TTC7B: variants seen among roughly 807,000 people sequenced by gnomAD.
TTC7B encodes the protein tetratricopeptide repeat protein 7B.
In TTC7B, 28 loss-of-function variants were observed where a neutral mutation model predicts 106.8. The ratio of observed to expected loss-of-function variants is 0.26; its 90% CI spans 0.19 to 0.36. The LOEUF is 0.36. Among genes scored for constraint, TTC7B ranks in the 10% least tolerant of loss-of-function variants. The pLI is 1.00. For synonymous variants in TTC7B, 405 were observed against 430.6 expected (o/e 0.94, Z 0.74); for missense variants, 862 against 1,076.4 (o/e 0.80, Z 2.79).
Position 90,530,344 on chromosome 14 carries a change from A to G in TTC7B, c.*11024T>C, listed in dbSNP as rs548955348. The G allele has an allele frequency of 6.6e-6, 1 of 152,218 alleles. No homozygotes were observed. Among genetic ancestry groups the G allele is most frequent in the Non-Finnish European group, 1.5e-5 (1 of 68,042 alleles). The allele number at this position is 152,218 out of a possible 1,614,324, so 9.4% of individuals were successfully genotyped here. ...AAAATGCTGAGAAGGTGAGCGCTAAATAGTGGAATTTAATGATCTTAGTCT... is the reference window on the plus strand; with the variant it reads ...AAAATGCTGAGAAGGTGAGCGCTAAGTAGTGGAATTTAATGATCTTAGTCT... On this transcript the variant is annotated 3_prime_UTR_variant, in exon 20 of 20. Transcript: ENST00000328459.
chr14:90,719,527 G>A (rs910984258), intron 5 of TTC7B, among the ~76,000 whole-genome samples: 1 of 152,168 alleles, frequency 6.6e-6, no homozygotes, highest in African/African-American at 2.4e-5. Context: ...CCCTGAAGAC[G>A]TGGGGCCTGA....
intron 1 of TTC7B, among the ~76,000 whole-genome samples, chr14:90,799,925 G>A (rs2140054857): frequency 6.6e-6 from 1 of 152,210 alleles, no homozygotes; most frequent in Admixed American, 6.5e-5. Context: ...CGCCTCCTGG[G>A]GTCATGCCAT....
chr14:90,541,505 C>G lies in TTC7B; in HGVS notation c.2395G>C (p.Glu799Gln), dbSNP rs1449730829. Reference protein sequence around the residue: ...DAVQVNSTAHEVWNGLGEVLQ... With the variant: ...DAVQVNSTAHQVWNGLGEVLQ... ...ACCTCGCCCAGCCCGTTCCAGACCTCGTGGGCTGTCGAGTTCACCTGCACC... is the reference window on the plus strand; with the variant it reads ...ACCTCGCCCAGCCCGTTCCAGACCTGGTGGGCTGTCGAGTTCACCTGCACC... The change falls in exon 20 of 20, where the codon GAG (glutamate) becomes CAG (glutamine). Residue 799 changes from glutamate (E) to glutamine (Q), a missense_variant. Glu to Gln is a conservative substitution (Grantham distance 29). Coordinates refer to ENST00000328459, the MANE Select transcript of TTC7B (RefSeq NM_001010854.2). 2 of 1,614,050 alleles carry G rather than the reference C, an allele frequency of 1.2e-6. No individual in the cohort carries two copies. Among genetic ancestry groups the G allele is most frequent in the Non-Finnish European group, 1.7e-6 (2 of 1,179,960 alleles).
chr14:90,655,555 C>T (rs894461405), intron 11 of TTC7B, among the ~76,000 whole-genome samples: 7 of 152,174 alleles, frequency 4.6e-5, no homozygotes, highest in Admixed American at 2.0e-4. Context: ...ATTCTCTTTG[C>T]CATGAGCTGT....
chr14:90,775,511 C>T (rs1045777975), intron 3 of TTC7B, among the ~76,000 whole-genome samples: 2 of 152,070 alleles, frequency 1.3e-5, no homozygotes, highest in African/African-American at 4.8e-5. Flanking sequence ...CAATTTCCAC[C>T]CCAGCAGCAG....
Position 90,661,364 on chromosome 14 carries a change from C to T in TTC7B, c.1153-2977G>A, listed in dbSNP as rs111539882. On this transcript the variant is annotated intron_variant, in intron 9 of 19. Coordinates refer to ENST00000328459, the MANE Select transcript of TTC7B (RefSeq NM_001010854.2). Reference sequence around the variant, plus strand: ...GTCACTGTGCCTTTAAGGAGCACAGCGGGGAGGCAGAAATGAAAGCAGCAT... The same window carrying T: ...GTCACTGTGCCTTTAAGGAGCACAGTGGGGAGGCAGAAATGAAAGCAGCAT... Among the ~76,000 whole-genome samples, 395 of 152,286 alleles carry T rather than the reference C, an allele frequency of 2.6e-3. 3 individuals are homozygous for T. Among genetic ancestry groups the T allele is most frequent in the African/African-American group, 8.7e-3 (362 of 41,556 alleles).
At chr14:90,639,660 C>T (rs1415246337) in intron 15 of TTC7B, among the ~76,000 whole-genome samples, 6 of 152,188 alleles carry the variant, frequency 3.9e-5, no homozygotes, top group East Asian at 1.9e-4. Flanking sequence ...ACAAATCCTA[C>T]GACCTAACTA....
At chr14:90,783,344 G>A (rs1891280400) in intron 2 of TTC7B, among the ~76,000 whole-genome samples, 1 of 152,202 alleles carries the variant, frequency 6.6e-6, no homozygotes, top group Non-Finnish European at 1.5e-5. Context: ...GTGTGAGTAG[G>A]ACAGCACACC....
rs2139801587 is a variant in TTC7B at position 90,575,585 on chromosome 14, T to C, written c.2310+2521A>G. ...GCACCAGAGGGTCCTGCAGCACCAGTGGGAGGGGGGCCTGCCCTTGGCTGC... is the reference window on the plus strand; with the variant it reads ...GCACCAGAGGGTCCTGCAGCACCAGCGGGAGGGGGGCCTGCCCTTGGCTGC... On this transcript the variant is annotated intron_variant, in intron 19 of 19. Coordinates refer to ENST00000328459, the MANE Select transcript of TTC7B (RefSeq NM_001010854.2). The surrounding 1 kb of genome is among the most constrained non-coding windows in gnomAD (Gnocchi z 5.2). Among the ~76,000 whole-genome samples, 1 of 152,254 alleles carries C rather than the reference T, an allele frequency of 6.6e-6. No homozygotes were observed. The highest frequency in any genetic ancestry group is 1.9e-4 in the East Asian group (1 of 5,160).
chr14:90,809,145 G>A (rs1159184366), intron 1 of TTC7B, among the ~76,000 whole-genome samples: 1 of 152,108 alleles, frequency 6.6e-6, no homozygotes, highest in African/African-American at 2.4e-5. Flanking sequence ...CTTACTCCTG[G>A]GTCAGGTGCC....
chr14:90,729,983 C>T, intron 5 of TTC7B, 92 bp downstream of exon 5: 1 of 1,320,168 alleles, frequency 7.6e-7, no homozygotes, highest in South Asian at 1.8e-5. Context: ...TTTAAAATTC[C>T]TTTATTATAA....
At chr14:90,589,253 A>AT (rs1167042127) in intron 18 of TTC7B, among the ~76,000 whole-genome samples, 2 of 152,194 alleles carry the variant, frequency 1.3e-5, no homozygotes, top group Non-Finnish European at 2.9e-5. Flanking sequence ...TATCTTACAG[A>AT]TAAAAAAAAA....
In TTC7B at chr14:90,742,109, T is replaced by C. The variant is rs1889789788; in HGVS notation, c.576+2683A>G. 6.6e-6 allele frequency among the ~76,000 whole-genome samples: 1 copy of C among 152,074 alleles called. No individual in the cohort carries two copies. Among genetic ancestry groups the C allele is most frequent in the African/African-American group, 2.4e-5 (1 of 41,412 alleles). Reference sequence around the variant, plus strand: ...TTTTTTAAGTGCAGTGGTACAATCATAGCTCACTGCAACCTCGAACTTCTG... The same window carrying C: ...TTTTTTAAGTGCAGTGGTACAATCACAGCTCACTGCAACCTCGAACTTCTG... On this transcript the variant is annotated intron_variant, in intron 4 of 19. Transcript: ENST00000328459. This position sits in a 1 kb window ranked among gnomAD's most constrained non-coding sequence, Gnocchi z 4.1.
At chr14:90,801,976 G>A (rs889782723) in intron 1 of TTC7B, among the ~76,000 whole-genome samples, 7 of 151,860 alleles carry the variant, frequency 4.6e-5, no homozygotes, top group African/African-American at 1.5e-4. Flanking sequence ...CAGGAGAATC[G>A]CTTGAACCCT....
intron 17 of TTC7B, among the ~76,000 whole-genome samples, chr14:90,602,626 T>C (rs1892472311): frequency 6.6e-6 from 1 of 151,794 alleles, no homozygotes; most frequent in Non-Finnish European, 1.5e-5. Flanking sequence ...ACTTGAGCCC[T>C]GGGGTTCCAG....
At chr14:90,641,222 AT>A (rs1037235426) in intron 15 of TTC7B, among the ~76,000 whole-genome samples, 4 of 152,188 alleles carry the variant, frequency 2.6e-5, no homozygotes, top group African/African-American at 9.7e-5. Flanking sequence ...AAGTTTTATC[AT>A]TTCATGGTGA....
chr14:90,590,996 G>C (rs1891933935), intron 18 of TTC7B, among the ~76,000 whole-genome samples: 1 of 152,104 alleles, frequency 6.6e-6, no homozygotes, highest in African/African-American at 2.4e-5. Flanking sequence ...CTGTCCTATG[G>C]GCCATGCAAT....
chr14:90,777,043 C>G (rs954816962), intron 3 of TTC7B, among the ~76,000 whole-genome samples: 4 of 152,120 alleles, frequency 2.6e-5, no homozygotes, highest in African/African-American at 4.8e-5. Flanking sequence ...CGAGACCAGC[C>G]TGGCCAACAT....
intron 4 of TTC7B, among the ~76,000 whole-genome samples, chr14:90,733,422 G>C (rs1889400898): frequency 6.6e-6 from 1 of 152,172 alleles, no homozygotes; most frequent in African/African-American, 2.4e-5. Flanking sequence ...GGGCAGCCAG[G>C]AGGTGGCTTA....
Sources: gnomAD v4.1 joint callset for allele counts (sites outside exome capture counted in the v4.1 genomes callset) on GRCh38, gnomAD v4.1.1 for gene constraint, Gnocchi (gnomAD v3.1) non-coding constraint, MANE v1.5 for transcripts, NCBI Gene and HGNC (gene_info 2026-07-23, HGNC 2026-07-21) for gene names.